WNT2B: variants seen among roughly 807,000 people sequenced by gnomAD.
WNT2B encodes Wnt family member 2B.
WNT2B carries 19 observed loss-of-function variants against 40.5 expected under a neutral mutation model. The observed-to-expected ratio is 0.47, with a 90% CI of 0.33 to 0.69. The LOEUF (loss-of-function observed/expected upper bound fraction) is 0.69, where lower values mean the gene tolerates loss of function less well. Ranked by LOEUF, WNT2B falls within the 30% of genes least tolerant of loss-of-function variation. WNT2B has a pLI of 0.02. For missense variants in WNT2B, 467 were observed against 556.4 expected (o/e 0.84, Z 1.62); for synonymous variants, 220 against 211.9 (o/e 1.04, Z -0.33).
chr1:112,474,399 C>G (rs1418282813), intron 1 of WNT2B, among the ~76,000 whole-genome samples: 1 of 152,156 alleles, frequency 6.6e-6, no homozygotes, highest in Admixed American at 6.5e-5. Context: ...CTGCCTGCCT[C>G]CGCCTCCCAA....
rs1469502525 is a variant in WNT2B at position 112,525,843 on chromosome 1, G to A, written c.*5334G>A. On this transcript the variant is annotated 3_prime_UTR_variant, in exon 5 of 5. Transcript: ENST00000369684. The stretch of plus-strand genomic sequence containing the variant: ...TGTCCTTTTTGACAGCTTCCAAGGG[G>A]GGTTTGCCTAGGAATAACAATATTC... 2 of 811,148 alleles carry A rather than the reference G, an allele frequency of 2.5e-6. No homozygotes were observed. The highest frequency in any genetic ancestry group is 3.6e-6 in the Non-Finnish European group (2 of 556,248). 50.2% of individuals were successfully genotyped at this position (811,148 alleles called of 1,614,324 possible).
At chr1:112,520,167 T>C (rs1038266329) in intron 4 of WNT2B, 113 bp from the exon 5 acceptor site, 2 of 1,039,596 alleles carry the variant, frequency 1.9e-6, no homozygotes, top group Admixed American at 4.1e-5. Flanking sequence ...TGAGCCACTG[T>C]GCCCAGCCCA....
At position 112,509,433 on chromosome 1, in the gene WNT2B, C is replaced by G. The variant is rs777487695; in HGVS notation, c.171C>G (p.Asp57Glu). 6.3e-7 allele frequency: 1 copy of G among 1,591,172 alleles called. No homozygotes were observed. The highest frequency in any genetic ancestry group is 1.7e-5 in the Admixed American group (1 of 58,802). Residue 57 changes from aspartate (D) to glutamate (E), a missense_variant, in exon 1 of 5, where the codon GAC (aspartate) becomes GAG (glutamate). By Grantham distance (45) the Asp-to-Glu change is conservative (BLOSUM62 2). Coordinates refer to ENST00000369684, the MANE Select transcript of WNT2B (RefSeq NM_024494.3). This position sits in a 1 kb window ranked among gnomAD's most constrained non-coding sequence, Gnocchi z 4.2. The part of the protein sequence containing the change: ...LLLLTLPARV[D>E]TSWWYIGALG... ...TGCTGACGCTGCCGGCCCGCGTAGA[C>G]ACGTCCTGGTGGTAAGTGTGGCTCT...
At chr1:112,506,954 A>G (rs1313686069), upstream of WNT2B, among the ~76,000 whole-genome samples, 2 of 152,116 alleles carry the variant, frequency 1.3e-5, no homozygotes, top group African/African-American at 2.4e-5. Flanking sequence ...CATGACTTGG[A>G]GCACCTCAGG....
intron 1 of WNT2B, among the ~76,000 whole-genome samples, chr1:112,486,159 C>CACACACACACACACG (rs1651412530): frequency 3.8e-5 from 2 of 53,080 alleles, no homozygotes; most frequent in African/African-American, 1.6e-4. Context: ...ACACACACAC[C>CACACACACACACACG]AGGCTGGGTG....
intron 1 of WNT2B, among the ~76,000 whole-genome samples, chr1:112,481,341 A>T (rs1303354837): frequency 6.6e-6 from 1 of 152,166 alleles, no homozygotes; most frequent in East Asian, 1.9e-4. Flanking sequence ...TGCAGAAAAA[A>T]CGTTTGGCAA....
intron 1 of WNT2B, among the ~76,000 whole-genome samples, chr1:112,484,178 T>TA (rs1651324521): frequency 1.4e-5 from 2 of 145,828 alleles, no homozygotes; most frequent in African/African-American, 5.0e-5. Context: ...TATATCATTT[T>TA]TATATATAAT....
At position 112,514,930 on chromosome 1, in the gene WNT2B, G is replaced by T; in HGVS notation, c.239G>T (p.Ser80Ile). ...VICDNIPGLV[S>I]RQRQLCQRYP... ...TGTGACAATATCCCTGGTTTGGTGA[G>T]CCGGCAGCGGCAGCTGTGCCAGCGT... The change falls in exon 2 of 5, where the codon AGC becomes ATC. Residue 80 changes from serine to isoleucine, a missense_variant. Ser to Ile is a moderately radical substitution (Grantham distance 142, BLOSUM62 -2). Around this residue, in one of 2 missense-constraint regions of WNT2B, gnomAD observed 137 missense variants for 117.7 expected, o/e 1.16. Transcript: ENST00000369684. The T allele has an allele frequency of 6.2e-7, 1 of 1,614,244 alleles. No homozygotes were observed. The highest frequency in any genetic ancestry group is 8.5e-7 in the Non-Finnish European group (1 of 1,180,040).
chr1:112,484,994 A>T (rs1570769549), intron 1 of WNT2B, among the ~76,000 whole-genome samples: 1 of 152,340 alleles, frequency 6.6e-6, no homozygotes, highest in East Asian at 1.9e-4. Context: ...ATTCATATAT[A>T]GATTTAATGC....
chr1:112,484,470 T>C (rs1027436162), intron 1 of WNT2B, among the ~76,000 whole-genome samples: 1 of 150,912 alleles, frequency 6.6e-6, no homozygotes, highest in African/African-American at 2.4e-5. Context: ...AGAGACAAGG[T>C]TTCACTACAT....
At chr1:112,476,579 C>T (rs1324200917) in intron 1 of WNT2B, among the ~76,000 whole-genome samples, 1 of 152,130 alleles carries the variant, frequency 6.6e-6, no homozygotes, top group Non-Finnish European at 1.5e-5. Context: ...CCACCCCATC[C>T]CCCAGTCCAA....
intron 1 of WNT2B, among the ~76,000 whole-genome samples, chr1:112,470,431 A>G (rs2483338): frequency 0.5 from 75,768 of 151,666 alleles, 20,405 homozygotes; most frequent in South Asian, 0.7. Context: ...TTTGCTGAAA[A>G]TATAAAAATT....
chr1:112,507,557 GAGGTTAA>G (rs1268737297), upstream of WNT2B, among the ~76,000 whole-genome samples: 2 of 152,242 alleles, frequency 1.3e-5, no homozygotes, highest in South Asian at 2.1e-4. Flanking sequence ...GGTGGGGAGA[GAGGTTAA>G]AGGTTCCTCT....
At chr1:112,483,643 C>A (rs1651302938) in intron 1 of WNT2B, among the ~76,000 whole-genome samples, 1 of 151,086 alleles carries the variant, frequency 6.6e-6, no homozygotes, top group Non-Finnish European at 1.5e-5. Context: ...CTGCATCAAA[C>A]TAAAAAGCTT....
chr1:112,526,115 C>T lies in WNT2B; in HGVS notation c.*5606C>T, dbSNP rs369053015. 1 of 1,614,010 alleles carries T rather than the reference C, an allele frequency of 6.2e-7. No homozygotes were observed. Among genetic ancestry groups the T allele is most frequent in the South Asian group, 1.1e-5 (1 of 91,070 alleles). On this transcript the variant is annotated 3_prime_UTR_variant, in exon 5 of 5. Coordinates refer to ENST00000369684, the MANE Select transcript of WNT2B (RefSeq NM_024494.3). ...GGGGGCACCAGAGTCCCAGCACCTT[C>T]AAAACAGAAATTGATACAAAATGTT...
At position 112,526,189 on chromosome 1, in the gene WNT2B, A is replaced by G. The variant is rs1653349034; in HGVS notation, c.*5680A>G. The G allele has an allele frequency of 6.3e-7, 1 of 1,591,760 alleles. No individual in the cohort carries two copies. The highest frequency in any genetic ancestry group is 8.6e-7 in the Non-Finnish European group (1 of 1,169,058). ...CAGCCAAGAGAGTATATCTGAGCAC[A>G]GTTTACAAAGGAACAGCCTAGGCCC... is the stretch of plus-strand genomic sequence containing the variant. On this transcript the variant is annotated 3_prime_UTR_variant, in exon 5 of 5. Coordinates refer to ENST00000369684, the MANE Select transcript of WNT2B (RefSeq NM_024494.3).
chr1:112,484,218 CACAT>C, intron 1 of WNT2B, among the ~76,000 whole-genome samples: 1 of 138,384 alleles, frequency 7.2e-6, no homozygotes, highest in Admixed American at 7.4e-5. Context: ...TATATATATA[CACAT>C]ATATATATAC....
intron 1 of WNT2B, among the ~76,000 whole-genome samples, chr1:112,493,394 G>T (rs1206766848): frequency 6.6e-6 from 1 of 152,118 alleles, no homozygotes; most frequent in Non-Finnish European, 1.5e-5. Context: ...AGGCTGGGAG[G>T]ATTGCTTGAG....
intron 1 of WNT2B, among the ~76,000 whole-genome samples, chr1:112,484,698 C>G (rs1651359812): frequency 6.6e-6 from 1 of 150,474 alleles, no homozygotes; most frequent in South Asian, 2.1e-4. Flanking sequence ...ACCAGGAGTT[C>G]AGGCTGCAAC....
Sources: allele counts gnomAD v4.1 joint callset (sites outside exome capture counted in the v4.1 genomes callset), GRCh38; gene constraint gnomAD v4.1.1; regional missense constraint gnomAD v4.1.1; non-coding constraint Gnocchi (gnomAD v3.1); transcripts MANE v1.5; gene names NCBI Gene and HGNC (gene_info 2026-07-23, HGNC 2026-07-21).